Variants in FOXJ3 observed in about 807,000 individuals in gnomAD.
The protein encoded by FOXJ3 is forkhead box J3, also known as forkhead box protein J3.
Under a neutral mutation model 76.1 loss-of-function variants are expected in FOXJ3, and 22 were observed. That is an observed-to-expected ratio of 0.29 (90% CI 0.21 to 0.41). The LOEUF (loss-of-function observed/expected upper bound fraction) is 0.41, where lower values mean the gene tolerates loss of function less well. Among genes scored for constraint, FOXJ3 ranks in the 10% least tolerant of loss-of-function variants. The probability of loss-of-function intolerance (pLI) is 1.00; values close to 1 mark genes in which losing one functional copy is unlikely to be tolerated. For missense variants in FOXJ3, 613 were observed against 762.1 expected, an observed-to-expected ratio of 0.80 and a Z score of 2.30; for synonymous variants, 269 against 261.2, an observed-to-expected ratio of 1.03 and a Z score of -0.29.
chr1:42,236,063 A>G (rs1648599865), intron 4 of FOXJ3, among the ~76,000 whole-genome samples: 1 of 152,202 alleles, frequency 6.6e-6, no homozygotes, highest in African/African-American at 2.4e-5. Flanking sequence ...CTGCCATTTT[A>G]GACAGTCAAT....
chr1:42,305,910 T>C (rs1462149975), intron 2 of FOXJ3, among the ~76,000 whole-genome samples: 1 of 152,222 alleles, frequency 6.6e-6, no homozygotes, highest in African/African-American at 2.4e-5. Flanking sequence ...AGGTGATGAA[T>C]ATACCCCACT....
At chr1:42,294,758 G>C (rs1171770062) in intron 2 of FOXJ3, among the ~76,000 whole-genome samples, 2 of 23,096 alleles carry the variant, frequency 8.7e-5, no homozygotes, top group Non-Finnish European at 2.0e-4. Flanking sequence ...GCGAAACTTG[G>C]TCTCAAAAAA....
Position 42,191,665 on chromosome 1 carries a change from T to C in FOXJ3, c.989A>G (p.Tyr330Cys), listed in dbSNP as rs1444983637. The C allele has an allele frequency of 1.2e-6, 2 of 1,614,082 alleles. No homozygotes were observed. The highest frequency in any genetic ancestry group is 1.7e-6 in the Non-Finnish European group (2 of 1,180,000). ...CACTGTACTGCTGGGAGAGTGCTGA[T>C]AGGTACATGAAGTGTGGGACTGCTG... ...SSQQSHTSCTYQHSPSSTVST... is the reference protein window; with the variant it reads ...SSQQSHTSCTCQHSPSSTVST... The change falls in exon 9 of 13, where the codon TAT becomes TGT. Residue 330 changes from tyrosine (Y) to cysteine (C), a missense_variant. By Grantham distance (194) the Tyr-to-Cys change is radical. Transcript: ENST00000361346.
At chr1:42,195,105 T>A (rs1419860768) in intron 7 of FOXJ3, 41 bp from the exon 8 acceptor site, 1 of 1,433,224 alleles carries the variant, frequency 7.0e-7, no homozygotes, top group African/African-American at 1.4e-5. Context: ...GCCTCTCTAC[T>A]AATTACAATT....
At chr1:42,305,234 G>A (rs900462016) in intron 2 of FOXJ3, among the ~76,000 whole-genome samples, 4 of 152,118 alleles carry the variant, frequency 2.6e-5, no homozygotes, top group African/African-American at 7.2e-5. Context: ...CTAAAAGACA[G>A]GCAATAACAA....
At position 42,193,548 on chromosome 1, in the gene FOXJ3, T is replaced by C. The variant is rs182896789; in HGVS notation, c.934+1342A>G. On this transcript the variant is annotated intron_variant, in intron 8 of 12. Transcript: ENST00000361346. ...TCTTCCATTAGTTCTTTTTATACTT[T>C]TATAGATGAAAAATTTAAAAGTTGG... is the stretch of plus-strand genomic sequence containing the variant. Among the ~76,000 whole-genome samples, 621 of 152,268 alleles carry C rather than the reference T, an allele frequency of 4.1e-3. 4 individuals are homozygous for C. The highest frequency in any genetic ancestry group is 7.9e-3 in the Admixed American group (121 of 15,292).
At chr1:42,249,030 G>C (rs1294242407) in intron 4 of FOXJ3, among the ~76,000 whole-genome samples, 1 of 152,030 alleles carries the variant, frequency 6.6e-6, no homozygotes, top group Non-Finnish European at 1.5e-5. Flanking sequence ...CTGTTAGTTT[G>C]CTGAGGATGG....
chr1:42,264,835 T>A, intron 4 of FOXJ3: 1 of 345,802 alleles, frequency 2.9e-6, no homozygotes, highest in Non-Finnish European at 5.2e-6. Context: ...TGAATTATGG[T>A]TCCTGACAAG....
chr1:42,238,823 G>T (rs1648905591), intron 4 of FOXJ3, among the ~76,000 whole-genome samples: 1 of 152,172 alleles, frequency 6.6e-6, no homozygotes, highest in African/African-American at 2.4e-5. Context: ...AATTACAGGT[G>T]TGAGCCACCG....
chr1:42,304,192 C>A (rs1654324541), intron 2 of FOXJ3, among the ~76,000 whole-genome samples: 1 of 151,684 alleles, frequency 6.6e-6, no homozygotes, highest in African/African-American at 2.4e-5. Flanking sequence ...TAGGAATTAA[C>A]CAAAGAAGTG....
intron 8 of FOXJ3, among the ~76,000 whole-genome samples, chr1:42,193,064 C>T (rs896309400): frequency 6.6e-6 from 1 of 152,058 alleles, no homozygotes; most frequent in Non-Finnish European, 1.5e-5. Context: ...TCTGTATCAA[C>T]ATTTTCAATC....
chr1:42,186,946 C>T (rs1447596467), intron 11 of FOXJ3, among the ~76,000 whole-genome samples: 1 of 152,152 alleles, frequency 6.6e-6, no homozygotes, highest in Non-Finnish European at 1.5e-5. Flanking sequence ...CTCCCAGGTT[C>T]CAGCGATTCC....
chr1:42,328,832 T>A (rs1655993734), intron 1 of FOXJ3, among the ~76,000 whole-genome samples: 1 of 151,870 alleles, frequency 6.6e-6, no homozygotes, highest in Non-Finnish European at 1.5e-5. Flanking sequence ...ATGCCCAGCT[T>A]ATTTTTGTAT....
intron 1 of FOXJ3, chr1:42,334,250 C>T (rs1656328720): frequency 3.7e-6 from 1 of 267,072 alleles, no homozygotes; most frequent in South Asian, 1.4e-4. Context: ...CTGTTATGTC[C>T]CCTACTGGCC....
At chr1:42,237,427 T>TAC (rs1553161299) in intron 4 of FOXJ3, among the ~76,000 whole-genome samples, 1,557 of 129,898 alleles carry the variant, frequency 0.012, 37 homozygotes, top group African/African-American at 0.04. Context: ...TATATATATA[T>TAC]ACATACATAC....
intron 6 of FOXJ3, among the ~76,000 whole-genome samples, chr1:42,201,184 C>G (rs991017375): frequency 1.3e-5 from 2 of 152,180 alleles, no homozygotes; most frequent in Non-Finnish European, 2.9e-5. Flanking sequence ...TTTCTGTGAT[C>G]ATCTGTGGCA....
intron 3 of FOXJ3, among the ~76,000 whole-genome samples, chr1:42,273,839 T>C (rs1652053788): frequency 6.6e-6 from 1 of 152,086 alleles, no homozygotes; most frequent in Admixed American, 6.5e-5. Context: ...ATTTGAAAAT[T>C]ACACACAAAA....
intron 2 of FOXJ3, among the ~76,000 whole-genome samples, chr1:42,307,123 T>A (rs1654517987): frequency 6.6e-6 from 1 of 152,238 alleles, no homozygotes; most frequent in Admixed American, 6.5e-5. Context: ...TCAGGTTTCA[T>A]AAGAGCCATT....
chr1:42,216,300 C>T (rs996684297), intron 5 of FOXJ3, among the ~76,000 whole-genome samples: 25 of 151,716 alleles, frequency 1.6e-4, no homozygotes, highest in African/African-American at 5.8e-4. Context: ...GGGCGGATCA[C>T]GAGGTCAGGA....
Sources: allele counts gnomAD v4.1 joint callset (sites outside exome capture counted in the v4.1 genomes callset), GRCh38; gene constraint gnomAD v4.1.1; transcripts MANE v1.5; gene names NCBI Gene and HGNC (gene_info 2026-07-23, HGNC 2026-07-21).